THTPA: variants seen among roughly 807,000 people sequenced by gnomAD.
THTPA encodes thiamine triphosphatase.
Under a neutral mutation model 16.5 loss-of-function variants are expected in THTPA, and 16 were observed. The ratio of observed to expected loss-of-function variants is 0.97; its 90% confidence interval spans 0.66 to 1.47. THTPA has a LOEUF of 1.47. THTPA is among the 40% of genes most tolerant of loss of function. THTPA has a pLI of 0.00. For synonymous variants in THTPA, 110 were observed against 115.5 expected, an observed-to-expected ratio of 0.95 and a Z score of 0.30; for missense variants, 281 against 280.9, an observed-to-expected ratio of 1.00 and a Z score of 0.00.
chr14:23,545,426 G>A, the THTPA span, among the ~76,000 whole-genome samples: 1 of 152,112 alleles, frequency 6.6e-6, no homozygotes, highest in Non-Finnish European at 1.5e-5. Flanking sequence ...ACAGCCTACT[G>A]CACTCCTTCC....
At chr14:23,523,606 C>T in the THTPA span, 1 of 1,556,388 alleles carries the variant, frequency 6.4e-7, no homozygotes, top group Non-Finnish European at 8.6e-7. The surrounding 1 kb of genome is among the most constrained non-coding windows in gnomAD (Gnocchi z 4.1). Flanking sequence ...CATTCTGGAA[C>T]CAGACCTGGA....
rs61735919 is a variant in THTPA, at chr14:23,557,267, T to C, written c.510T>C (p.Thr170=). 1.5e-3 allele frequency: 2,430 copies of C among 1,609,436 alleles called. 2 individuals are homozygous for C. Among genetic ancestry groups the C allele is most frequent in the Non-Finnish European group, 1.6e-3 (1,937 of 1,179,742 alleles). Residue 170 remains threonine, a synonymous_variant, in exon 1 of 2, where the codon ACT becomes ACC. Coordinates refer to ENST00000288014, the MANE Select transcript of THTPA (RefSeq NM_024328.6). ...ALVHEEAEVP[T]ALEKIHRLSS... is the part of the protein sequence containing the mutation. ...TGCATGAGGAGGCTGAAGTACCAAC[T>C]GCCCTAGAGAAGATCCACAGGCTCA... is the stretch of plus-strand genomic sequence containing the variant.
At chr14:23,517,639 A>T in the THTPA span, among the ~76,000 whole-genome samples, 6 of 152,240 alleles carry the variant, frequency 3.9e-5, no homozygotes, top group Admixed American at 3.3e-4. Flanking sequence ...TGCCTCCTAC[A>T]TATCTCTTCC....
At chr14:23,526,404 C>T in the THTPA span, 3 of 1,536,064 alleles carry the variant, frequency 2.0e-6, no homozygotes, top group South Asian at 2.4e-5. Context: ...TTGTCCAGGG[C>T]AAAGTTGGTG....
chr14:23,523,004 T>C, the THTPA span: 1 of 1,422,644 alleles, frequency 7.0e-7, no homozygotes, highest in Non-Finnish European at 9.2e-7. This position sits in a 1 kb window ranked among gnomAD's most constrained non-coding sequence, Gnocchi z 4.1. Context: ...CTTCCTGCCA[T>C]AGGCCACCTC....
upstream of THTPA, among the ~76,000 whole-genome samples, chr14:23,555,456 C>G (rs998642838): frequency 6.6e-6 from 1 of 152,202 alleles, no homozygotes; most frequent in Admixed American, 6.5e-5. Flanking sequence ...CAGGTGCTCT[C>G]CAGTTTCTGG....
the THTPA span, among the ~76,000 whole-genome samples, chr14:23,539,654 C>T: frequency 6.6e-6 from 1 of 152,182 alleles, no homozygotes; most frequent in Non-Finnish European, 1.5e-5. Flanking sequence ...TGGATTCAGG[C>T]TGGCCGGCAG....
chr14:23,539,921 G>A, the THTPA span, among the ~76,000 whole-genome samples: 19 of 152,288 alleles, frequency 1.2e-4, no homozygotes, highest in Admixed American at 1.1e-3. Context: ...AAAGTCTTTC[G>A]AAGTGAAGTC....
the THTPA span, among the ~76,000 whole-genome samples, chr14:23,528,361 T>C: frequency 3.7e-4 from 56 of 152,304 alleles, no homozygotes; most frequent in South Asian, 0.011. Context: ...TCCTTCTTTG[T>C]CTGGCCCTCT....
the THTPA span, chr14:23,531,700 C>T: frequency 1.5e-6 from 2 of 1,378,222 alleles, no homozygotes; most frequent in Non-Finnish European, 1.9e-6. Flanking sequence ...CCTGCCTCCG[C>T]TCCCTCCATG....
chr14:23,559,987 C>A lies in THTPA; in HGVS notation c.*1147C>A, dbSNP rs201878577. ...GAGCTGGGTGATAGGAAGGCCACCCCGAGCTGGAACTGTGTTCCCACTGGG... is the reference window on the plus strand; with the variant it reads ...GAGCTGGGTGATAGGAAGGCCACCCAGAGCTGGAACTGTGTTCCCACTGGG... On this transcript the variant is annotated 3_prime_UTR_variant, in exon 2 of 2. Coordinates refer to ENST00000288014, the MANE Select transcript of THTPA (RefSeq NM_024328.6). 2 of 1,612,888 alleles carry A rather than the reference C, an allele frequency of 1.2e-6. No homozygotes were observed. The highest frequency in any genetic ancestry group is 2.2e-5 in the East Asian group (1 of 44,888).
the THTPA span, chr14:23,531,719 A>C: frequency 7.4e-7 from 1 of 1,342,576 alleles, no homozygotes; most frequent in Non-Finnish European, 9.6e-7. Context: ...TGTCCAGCAG[A>C]AACTAGAACC....
the THTPA span, chr14:23,527,563 A>G: frequency 0.19 from 289,516 of 1,534,758 alleles, 30,067 homozygotes; most frequent in African/African-American, 0.39. Flanking sequence ...CACAGCCCTA[A>G]TAAGGTCTTG....
chr14:23,556,907 T>A lies in THTPA; in HGVS notation c.150T>A (p.Ala50=). 1 of 1,614,060 alleles carries A rather than the reference T, an allele frequency of 6.2e-7. No individual in the cohort carries two copies. The highest frequency in any genetic ancestry group is 8.5e-7 in the Non-Finnish European group (1 of 1,179,942). ...YDTPELSLMQ[A]DHWLRRREDS... is the part of the protein sequence containing the mutation. ...CCCCTGAGCTGAGCCTCATGCAGGC[T>A]GACCACTGGCTGCGACGACGAGAGG... The change falls in exon 1 of 2, where the codon GCT becomes GCA. Residue 50 remains alanine (A), a synonymous_variant. Coordinates refer to ENST00000288014, the MANE Select transcript of THTPA (RefSeq NM_024328.6).
At chr14:23,549,940 G>A in the THTPA span, among the ~76,000 whole-genome samples, 1 of 152,214 alleles carries the variant, frequency 6.6e-6, no homozygotes, top group Non-Finnish European at 1.5e-5. Context: ...GAAAAGGTAG[G>A]AAGAGGGCAG....
the THTPA span, chr14:23,525,157 G>A: frequency 6.5e-7 from 1 of 1,536,152 alleles, no homozygotes; most frequent in Non-Finnish European, 8.7e-7. This position sits in a 1 kb window ranked among gnomAD's most constrained non-coding sequence, Gnocchi z 5.9. Flanking sequence ...TGGAGAACCG[G>A]CGGCCGGCAG....
the THTPA span, chr14:23,527,509 C>A: frequency 6.8e-7 from 1 of 1,470,138 alleles, no homozygotes; most frequent in Non-Finnish European, 9.1e-7. Context: ...CTGCCCCCAA[C>A]ACATGCACCT....
chr14:23,525,771 C>T, the THTPA span: 2 of 1,503,200 alleles, frequency 1.3e-6, no homozygotes, highest in East Asian at 2.5e-5. This position sits in a 1 kb window ranked among gnomAD's most constrained non-coding sequence, Gnocchi z 5.9. Flanking sequence ...GGGGTGGCAG[C>T]TGGCAGGGAC....
the THTPA span, chr14:23,531,642 G>A: frequency 2.0e-6 from 3 of 1,517,724 alleles, no homozygotes; most frequent in Non-Finnish European, 2.6e-6. Flanking sequence ...CAAGCGGGAG[G>A]GTGTCTCCCA....
Sources: gnomAD v4.1 joint callset for allele counts (sites outside exome capture counted in the v4.1 genomes callset) on GRCh38, gnomAD v4.1.1 for gene constraint, Gnocchi (gnomAD v3.1) non-coding constraint, MANE v1.5 for transcripts, NCBI Gene and HGNC (gene_info 2026-07-23, HGNC 2026-07-21) for gene names.